Variants in CTNND2 observed in about 807,000 individuals in gnomAD.
CTNND2 encodes the protein catenin delta 2.
CTNND2 carries 22 observed loss-of-function variants against 144.4 expected under a neutral mutation model. That is an observed-to-expected ratio of 0.15 (90% CI 0.11 to 0.22). The LOEUF is 0.22. Among genes scored for constraint, CTNND2 ranks in the 10% least tolerant of loss-of-function variants. CTNND2 has a pLI of 1.00. For synonymous variants in CTNND2, 751 were observed against 695.6 expected, an observed-to-expected ratio of 1.08 and a Z score of -1.25; for missense variants, 1,353 against 1,618.8, an observed-to-expected ratio of 0.84 and a Z score of 2.82.
chr5:11,204,540 T>C (rs905056723), intron 10 of CTNND2, among the ~76,000 whole-genome samples: 2 of 152,182 alleles, frequency 1.3e-5, no homozygotes, highest in African/African-American at 2.4e-5. Flanking sequence ...ATGCAAGTAA[T>C]GCAATAGCAC....
chr5:11,797,025 G>A (rs1023707999), intron 1 of CTNND2, among the ~76,000 whole-genome samples: 4 of 152,174 alleles, frequency 2.6e-5, no homozygotes, highest in African/African-American at 9.7e-5. Context: ...GTGTTTATAT[G>A]TATCTACTAG....
intron 3 of CTNND2, among the ~76,000 whole-genome samples, chr5:11,470,976 ATATATTTTTTT>A (rs1308917580): frequency 1.1e-5 from 1 of 95,186 alleles, no homozygotes; most frequent in African/African-American, 6.2e-5. Context: ...ATATATATAT[ATATATTTTTTT>A]TTTTTTTTTA....
chr5:11,890,101 A>G (rs956351088), intron 1 of CTNND2, among the ~76,000 whole-genome samples: 5 of 152,178 alleles, frequency 3.3e-5, no homozygotes, highest in Non-Finnish European at 4.4e-5. Context: ...AATATCTTGA[A>G]AAAGTAGCCT....
intron 9 of CTNND2, among the ~76,000 whole-genome samples, chr5:11,292,607 C>T (rs1160271708): frequency 6.6e-6 from 1 of 152,180 alleles, no homozygotes; most frequent in Admixed American, 6.5e-5. Flanking sequence ...CTCTTGCCTG[C>T]CGCCATGTAA....
At chr5:11,687,901 G>GC (rs1784729265) in intron 2 of CTNND2, among the ~76,000 whole-genome samples, 1 of 152,156 alleles carries the variant, frequency 6.6e-6, no homozygotes, top group Non-Finnish European at 1.5e-5. Flanking sequence ...GAGAAGGTGA[G>GC]CCACACAGAA....
chr5:11,400,166 G>A (rs1478620653), intron 5 of CTNND2, among the ~76,000 whole-genome samples: 2 of 151,958 alleles, frequency 1.3e-5, no homozygotes, highest in African/African-American at 4.8e-5. Context: ...GCCTTGCTTG[G>A]GCTAGAGGTA....
Position 11,411,559 on chromosome 5 carries a change from G to T in CTNND2, c.416C>A (p.Pro139Gln). Residue 139 changes from proline (P) to glutamine (Q), a missense_variant, in exon 5 of 22, where the codon CCA becomes CAA. Pro to Gln is a moderately conservative substitution (Grantham distance 76). Coordinates refer to ENST00000304623, the MANE Select transcript of CTNND2 (RefSeq NM_001332.4). ...RSLQESGILD[P>Q]QDYSTGERPS... Reference sequence around the variant, plus strand: ...ACTTTCACCTGTAGAATAATCCTGTGGGTCAAGTATTCCTGATTCCTGTAG... The same window carrying T: ...ACTTTCACCTGTAGAATAATCCTGTTGGTCAAGTATTCCTGATTCCTGTAG... 1 of 1,604,094 alleles carries T rather than the reference G, an allele frequency of 6.2e-7. No homozygotes were observed. Among genetic ancestry groups the T allele is most frequent in the East Asian group, 2.2e-5 (1 of 44,798 alleles).
chr5:11,202,988 A>G (rs1737632242), intron 10 of CTNND2, among the ~76,000 whole-genome samples: 1 of 152,034 alleles, frequency 6.6e-6, no homozygotes, highest in African/African-American at 2.4e-5. Context: ...TATTTTCAGT[A>G]GAGACGGGAT....
chr5:11,306,497 G>T (rs1750220677), intron 9 of CTNND2, among the ~76,000 whole-genome samples: 1 of 152,116 alleles, frequency 6.6e-6, no homozygotes, highest in African/African-American at 2.4e-5. Flanking sequence ...CTTTTCTATA[G>T]CCATTTTCAG....
intron 2 of CTNND2, among the ~76,000 whole-genome samples, chr5:11,657,083 A>G (rs1359603278): frequency 6.6e-6 from 1 of 152,120 alleles, no homozygotes; most frequent in Non-Finnish European, 1.5e-5. Flanking sequence ...ACAGAAGGCA[A>G]TCGTGAAACA....
chr5:11,470,004 G>C (rs1198287092), intron 3 of CTNND2, among the ~76,000 whole-genome samples: 2 of 152,108 alleles, frequency 1.3e-5, no homozygotes, highest in East Asian at 1.9e-4. Flanking sequence ...TACCTTAGAG[G>C]CTCCAAATAT....
chr5:11,073,419 G>A (rs566213840), intron 16 of CTNND2, among the ~76,000 whole-genome samples: 10 of 152,316 alleles, frequency 6.6e-5, no homozygotes, highest in Admixed American at 5.2e-4. Context: ...TCGGCTCTCC[G>A]TCTCTTGCTC....
At chr5:11,545,809 G>A (rs1470773344) in intron 3 of CTNND2, among the ~76,000 whole-genome samples, 2 of 151,936 alleles carry the variant, frequency 1.3e-5, no homozygotes, top group South Asian at 4.2e-4. Flanking sequence ...GTACATGAAT[G>A]TTCATAGCAG....
At chr5:11,137,221 C>A (rs1406286454) in intron 12 of CTNND2, among the ~76,000 whole-genome samples, 1 of 152,144 alleles carries the variant, frequency 6.6e-6, no homozygotes, top group African/African-American at 2.4e-5. Flanking sequence ...GGAATTAATC[C>A]ATTCATTAGT....
chr5:11,787,491 T>C (rs1790896835), intron 1 of CTNND2, among the ~76,000 whole-genome samples: 1 of 152,230 alleles, frequency 6.6e-6, no homozygotes, highest in Non-Finnish European at 1.5e-5. Context: ...CCTTCAGTTA[T>C]GACTAATCTG....
Position 11,064,447 on chromosome 5 carries a change from G to A in CTNND2, c.2788+18249C>T, listed in dbSNP as rs112326100. Reference sequence around the variant, plus strand: ...AATCAGAGGCTGATTCCCACCATCCGGGAGGAAGAACAGGGCTCAGAGTGG... The same window carrying A: ...AATCAGAGGCTGATTCCCACCATCCAGGAGGAAGAACAGGGCTCAGAGTGG... On this transcript the variant is annotated intron_variant, in intron 16 of 21. Transcript: ENST00000304623. Among the ~76,000 whole-genome samples, 171 of 152,122 alleles carry A rather than the reference G, an allele frequency of 1.1e-3. 1 individual carries two copies. Among genetic ancestry groups the A allele is most frequent in the African/African-American group, 2.9e-3 (121 of 41,482 alleles).
intron 3 of CTNND2, among the ~76,000 whole-genome samples, chr5:11,432,032 C>A (rs1380331693): frequency 6.6e-6 from 1 of 151,474 alleles, no homozygotes; most frequent in African/African-American, 2.4e-5. Flanking sequence ...TTCATTGCTT[C>A]CTGGGTAAAT....
rs185211857 is a variant in CTNND2, at chr5:11,021,729, G to T, written c.2999+1040C>A. ...TATCCTGAATTAAGTGAAATAATGA[G>T]ACAGAATTTCCAGAAAGTTTCAAAG... On this transcript the variant is annotated intron_variant, in intron 17 of 21. Transcript: ENST00000304623. 5.6e-3 allele frequency among the ~76,000 whole-genome samples: 848 copies of T among 150,776 alleles called. 4 individuals carry two copies. The highest frequency in any genetic ancestry group is 7.2e-3 in the Non-Finnish European group (486 of 67,854).
chr5:11,422,341 C>T (rs1022392455), intron 3 of CTNND2, among the ~76,000 whole-genome samples: 5 of 152,174 alleles, frequency 3.3e-5, no homozygotes, highest in Non-Finnish European at 7.3e-5. Flanking sequence ...CTGGCAACTG[C>T]CACCATTCTT....
Sources: allele counts gnomAD v4.1 joint callset (sites outside exome capture counted in the v4.1 genomes callset), GRCh38; gene constraint gnomAD v4.1.1; transcripts MANE v1.5; gene names NCBI Gene and HGNC (gene_info 2026-07-23, HGNC 2026-07-21).